KRT7: variants seen among roughly 807,000 people sequenced by gnomAD.
The protein encoded by KRT7 is keratin, type II cytoskeletal 7.
In KRT7, 50 loss-of-function variants were observed where a neutral mutation model predicts 42.8. The ratio of observed to expected loss-of-function variants is 1.17; its 90% confidence interval spans 0.93 to 1.48. The LOEUF (loss-of-function observed/expected upper bound fraction) is 1.48. KRT7 is among the 40% of genes most tolerant of loss of function. KRT7 has a pLI of 0.00. For missense variants in KRT7, 588 were observed against 637.6 expected, an observed-to-expected ratio of 0.92 and a Z score of 0.84; for synonymous variants, 268 against 266.3, an observed-to-expected ratio of 1.01 and a Z score of -0.06.
In KRT7 at chr12:52,233,630, A is replaced by C; in HGVS notation, c.324+10A>C. The C allele has an allele frequency of 6.2e-7, 1 of 1,611,652 alleles. No homozygotes were observed. Among genetic ancestry groups the C allele is most frequent in the Non-Finnish European group, 8.5e-7 (1 of 1,179,244 alleles). The stretch of plus-strand genomic sequence containing the variant: ...CTCCTTCATCGACAAGGTGAGCGGG[A>C]CTGGACCTCGCCTCTCCTCGAGCCG... On this transcript the variant is annotated intron_variant, in intron 1 of 8. Transcript: ENST00000331817.
At chr12:52,234,559 G>C (rs1941982704) in intron 1 of KRT7, among the ~76,000 whole-genome samples, 1 of 152,116 alleles carries the variant, frequency 6.6e-6, no homozygotes, top group Admixed American at 6.5e-5. Flanking sequence ...GTTCCCCCAT[G>C]TGTTGAGCTG....
At chr12:52,252,542 T>C, downstream of KRT7, 2 of 1,585,384 alleles carry the variant, frequency 1.3e-6, no homozygotes, top group Admixed American at 3.5e-5. Context: ...AGAGGCCAGG[T>C]AACCACTGAC....
chr12:52,240,948 C>T (rs1415405515), intron 4 of KRT7, among the ~76,000 whole-genome samples: 4 of 150,442 alleles, frequency 2.7e-5, no homozygotes, highest in East Asian at 3.9e-4. Context: ...CGACAGGCCC[C>T]GGTGTGTGAT....
At chr12:52,237,035 C>T (rs1312148650) in intron 2 of KRT7, among the ~76,000 whole-genome samples, 1 of 152,200 alleles carries the variant, frequency 6.6e-6, no homozygotes, top group Non-Finnish European at 1.5e-5. Context: ...TGCCAAGGTT[C>T]AAGTCTGGGC....
At chr12:52,254,941 G>T (rs1457774292), downstream of KRT7, among the ~76,000 whole-genome samples, 1 of 152,242 alleles carries the variant, frequency 6.6e-6, no homozygotes. Context: ...CACTGCCCCT[G>T]CCTGTGGTTC....
At chr12:52,248,374 C>T (rs568141995) in intron 8 of KRT7, among the ~76,000 whole-genome samples, 163 bp downstream of exon 8, 1 of 152,276 alleles carries the variant, frequency 6.6e-6, no homozygotes, top group South Asian at 2.1e-4. Context: ...CTGCCAGGCT[C>T]AATGGCCTGG....
intron 3 of KRT7, 77 bp from the exon 4 acceptor site, chr12:52,238,603 C>A: frequency 1.1e-6 from 1 of 886,202 alleles, no homozygotes; most frequent in Non-Finnish European, 1.9e-6. Flanking sequence ...ACAGGGCAGG[C>A]CTGCTTCCAC....
downstream of KRT7, among the ~76,000 whole-genome samples, chr12:52,249,956 G>A (rs761053788): frequency 6.6e-5 from 10 of 152,098 alleles, no homozygotes; most frequent in Non-Finnish European, 1.2e-4. Flanking sequence ...TCTCCCTCCC[G>A]ACTAAGAAGA....
At chr12:52,248,534 T>TG in intron 8 of KRT7, 57 bp from the exon 9 acceptor site, 1 of 1,488,786 alleles carries the variant, frequency 6.7e-7, no homozygotes, top group Non-Finnish European at 9.1e-7. Flanking sequence ...AGTGAAGGGA[T>TG]GGGGTCCCTG....
At chr12:52,235,124 T>A in intron 1 of KRT7, 31 bp from the exon 2 acceptor site, 1 of 1,609,888 alleles carries the variant, frequency 6.2e-7, no homozygotes, top group Non-Finnish European at 8.5e-7. Flanking sequence ...CTCTGGCTCC[T>A]CTTGAGTTTC....
downstream of KRT7, chr12:52,250,641 C>T (rs557169704): frequency 2.1e-4 from 158 of 769,536 alleles, no homozygotes; most frequent in South Asian, 6.7e-4. Context: ...GCTGCTGACA[C>T]CTGCCAGAGG....
At chr12:52,254,181 C>T, downstream of KRT7, 3 of 552,238 alleles carry the variant, frequency 5.4e-6, no homozygotes, top group South Asian at 4.8e-5. Flanking sequence ...CTTGTCCCAC[C>T]ATAGGGTCAG....
downstream of KRT7, among the ~76,000 whole-genome samples, chr12:52,249,991 ACT>A (rs1410994456): frequency 6.6e-6 from 1 of 151,998 alleles, no homozygotes; most frequent in Admixed American, 6.5e-5. Context: ...GGAAGGAGAG[ACT>A]CTCAGGGCAC....
downstream of KRT7, chr12:52,252,306 A>C: frequency 6.2e-7 from 1 of 1,613,972 alleles, no homozygotes; most frequent in Non-Finnish European, 8.5e-7. Context: ...TGGCGATCTC[A>C]AAGTCCAGGC....
downstream of KRT7, among the ~76,000 whole-genome samples, chr12:52,250,833 C>G (rs1592399875): frequency 6.6e-6 from 1 of 152,332 alleles, no homozygotes; most frequent in Middle Eastern, 3.4e-3. Flanking sequence ...AGCCATGCTT[C>G]GCCTCACAAC....
intron 4 of KRT7, 68 bp downstream of exon 4, chr12:52,238,843 G>A: frequency 2.1e-6 from 2 of 948,936 alleles, no homozygotes; most frequent in Non-Finnish European, 1.7e-6. Context: ...ATCTGGTCCA[G>A]CCCCCCGCCT....
rs973251980 is a variant in KRT7 at position 52,244,640 on chromosome 12, G to A, written c.985-772G>A. On this transcript the variant is annotated intron_variant, in intron 6 of 8. Transcript: ENST00000331817. ...AGAAGGGAGAGAAGTCCTTGCCCAG[G>A]GGACAGGGATGGTGGTTTTCTGAGC... 5.1e-6 allele frequency: 5 copies of A among 985,702 alleles called. No homozygotes were observed. The African/African-American group carries it at 7.0e-5, about 14-fold the overall frequency. 61.1% of individuals were successfully genotyped at this position (985,702 alleles called of 1,614,324 possible). A position where few individuals can be genotyped will look rare whatever the true frequency, so the allele number is the denominator to read the frequency against.
chr12:52,242,574 A>G (rs1005662231), intron 5 of KRT7, among the ~76,000 whole-genome samples: 2 of 152,164 alleles, frequency 1.3e-5, no homozygotes, highest in Non-Finnish European at 2.9e-5. Flanking sequence ...GGGTGAGAAC[A>G]CAAGTATGCC....
intron 2 of KRT7, 76 bp downstream of exon 2, chr12:52,235,442 T>TC (rs1942000671): frequency 7.9e-7 from 1 of 1,272,512 alleles, no homozygotes; most frequent in Admixed American, 2.3e-5. Flanking sequence ...CCTGTGCAAG[T>TC]CCCCCTGCTT....
Sources: allele counts gnomAD v4.1 joint callset (sites outside exome capture counted in the v4.1 genomes callset), GRCh38; gene constraint gnomAD v4.1.1; transcripts MANE v1.5; gene names NCBI Gene and HGNC (gene_info 2026-07-23, HGNC 2026-07-21).